CMTM8: variants seen among roughly 807,000 people sequenced by gnomAD.
CMTM8 encodes the protein CKLF like MARVEL transmembrane domain containing 8, also known as CKLF-like MARVEL transmembrane domain-containing protein 8.
CMTM8 carries 12 observed loss-of-function variants against 18.6 expected under a neutral mutation model. The ratio of observed to expected loss-of-function variants is 0.65; its 90% CI spans 0.41 to 1.05. CMTM8 has a LOEUF of 1.05. Among genes scored for constraint, CMTM8 ranks in the 50% least tolerant of loss-of-function variants. The pLI, the probability that CMTM8 is intolerant of heterozygous loss-of-function variation, is 0.00. For missense variants in CMTM8, 217 were observed against 227.2 expected (o/e 0.95, Z 0.29); for synonymous variants, 87 against 90.6 (o/e 0.96, Z 0.23).
At chr3:32,335,298 C>G (rs1001525730) in intron 1 of CMTM8, among the ~76,000 whole-genome samples, 2 of 152,214 alleles carry the variant, frequency 1.3e-5, no homozygotes, top group African/African-American at 4.8e-5. Flanking sequence ...GTCATCCTCT[C>G]TACCTTGAGC....
At chr3:32,332,747 A>G (rs558760433) in intron 1 of CMTM8, among the ~76,000 whole-genome samples, 1 of 152,262 alleles carries the variant, frequency 6.6e-6, no homozygotes, top group East Asian at 1.9e-4. Context: ...TTAGTGAGAC[A>G]GCCTTGGTCA....
At chr3:32,299,472 A>C (rs1695570090) in intron 1 of CMTM8, among the ~76,000 whole-genome samples, 1 of 152,214 alleles carries the variant, frequency 6.6e-6, no homozygotes, top group Admixed American at 6.5e-5. Flanking sequence ...GTCATTTTTA[A>C]GAAAAATAAT....
chr3:32,347,385 C>T (rs1464278670), intron 1 of CMTM8, among the ~76,000 whole-genome samples: 6 of 150,884 alleles, frequency 4.0e-5, no homozygotes, highest in African/African-American at 1.2e-4. Context: ...GACCAGCACA[C>T]GCTGACGGGG....
chr3:32,348,529 C>CT (rs56252781), intron 1 of CMTM8, among the ~76,000 whole-genome samples: 1,153 of 102,052 alleles, frequency 0.011, 53 homozygotes, highest in African/African-American at 0.039. Context: ...CTTCCTGGAA[C>CT]TTTTTTTTTT....
intron 1 of CMTM8, chr3:32,259,245 G>C: frequency 1.7e-6 from 1 of 592,834 alleles, no homozygotes; most frequent in Non-Finnish European, 3.1e-6. Context: ...TGGACAAAGT[G>C]AAGAGCCTGG....
intron 1 of CMTM8, among the ~76,000 whole-genome samples, chr3:32,262,495 T>C (rs1057443681): frequency 1.4e-4 from 21 of 152,226 alleles, no homozygotes; most frequent in Admixed American, 5.9e-4. Context: ...CATTGGATTC[T>C]ACCTGGATCA....
chr3:32,349,523 T>G (rs549352081), intron 1 of CMTM8, among the ~76,000 whole-genome samples: 7 of 152,246 alleles, frequency 4.6e-5, no homozygotes, highest in Non-Finnish European at 8.8e-5. Context: ...TTTACCTTAT[T>G]TACAGTGTTT....
chr3:32,249,309 A>G (rs1449733154), intron 1 of CMTM8, among the ~76,000 whole-genome samples: 1 of 151,864 alleles, frequency 6.6e-6, no homozygotes, highest in African/African-American at 2.4e-5. Flanking sequence ...GTGTGCCTGT[A>G]GTCCCAGCTA....
At chr3:32,347,689 G>C (rs1389024455) in intron 1 of CMTM8, among the ~76,000 whole-genome samples, 1 of 152,040 alleles carries the variant, frequency 6.6e-6, no homozygotes, top group Non-Finnish European at 1.5e-5. Flanking sequence ...TTTCTCCTGG[G>C]GCCCTCCCTT....
chr3:32,240,010 C>T (rs1259071993), intron 1 of CMTM8, among the ~76,000 whole-genome samples: 1 of 152,232 alleles, frequency 6.6e-6, no homozygotes, highest in Non-Finnish European at 1.5e-5. Context: ...GTGCTCATAA[C>T]TGCAAGCAGT....
At chr3:32,271,071 T>C (rs1384314241) in intron 1 of CMTM8, among the ~76,000 whole-genome samples, 1 of 152,184 alleles carries the variant, frequency 6.6e-6, no homozygotes, top group African/African-American at 2.4e-5. Flanking sequence ...ATTACCATAT[T>C]TCAGAGGCCC....
At chr3:32,268,510 A>G (rs990918090) in intron 1 of CMTM8, among the ~76,000 whole-genome samples, 19 of 151,990 alleles carry the variant, frequency 1.3e-4, no homozygotes, top group African/African-American at 4.6e-4. Flanking sequence ...GAGTTAATGG[A>G]TGCAGCACAC....
rs1312179622 is a variant in CMTM8 at position 32,369,891 on chromosome 3, C to T, written c.446C>T (p.Ala149Val). 2 of 1,607,486 alleles carry T rather than the reference C, an allele frequency of 1.2e-6. No individual in the cohort carries two copies. Among genetic ancestry groups the T allele is most frequent in the Admixed American group, 3.3e-5 (2 of 59,904 alleles). ...ATGCTTTGTTTTCTCCAGTTCTTTG[C>T]CTTCCTGGTCACCATCTGCTACGCT... Reference protein sequence around the residue: ...FNSWAASSFFAFLVTICYAGN... With the variant: ...FNSWAASSFFVFLVTICYAGN... Residue 149 changes from alanine to valine, a missense_variant, in exon 4 of 4, where the codon GCC (alanine) becomes GTC (valine). Physicochemically the swap from Ala to Val is moderately conservative, Grantham distance 64 (BLOSUM62 0). Coordinates refer to ENST00000307526, the MANE Select transcript of CMTM8 (RefSeq NM_178868.5).
intron 1 of CMTM8, among the ~76,000 whole-genome samples, chr3:32,302,994 C>T (rs907917438): frequency 1.3e-5 from 2 of 152,176 alleles, no homozygotes; most frequent in African/African-American, 2.4e-5. Flanking sequence ...AAACCAATTT[C>T]GTCTCTTTGA....
intron 1 of CMTM8, among the ~76,000 whole-genome samples, chr3:32,339,400 A>G (rs1385782163): frequency 1.3e-5 from 2 of 152,234 alleles, no homozygotes; most frequent in Admixed American, 6.5e-5. Flanking sequence ...GTTGGACTTC[A>G]GAAAAGGTCA....
At chr3:32,281,745 C>T (rs536175266) in intron 1 of CMTM8, among the ~76,000 whole-genome samples, 1 of 152,324 alleles carries the variant, frequency 6.6e-6, no homozygotes, top group East Asian at 1.9e-4. Flanking sequence ...CCAGTGACGT[C>T]TGTTTTGCCA....
At chr3:32,280,846 CAAAAA>C (rs60845487) in intron 1 of CMTM8, among the ~76,000 whole-genome samples, 5 of 68,172 alleles carry the variant, frequency 7.3e-5, no homozygotes, top group African/African-American at 2.5e-4. Flanking sequence ...AGAAAATAGG[CAAAAA>C]AAAAAAAAAA....
chr3:32,298,779 T>C (rs2125561469), intron 1 of CMTM8, among the ~76,000 whole-genome samples: 1 of 143,264 alleles, frequency 7.0e-6, no homozygotes, highest in South Asian at 2.2e-4. Flanking sequence ...ACTAGGGGCA[T>C]GCGCCACCAC....
At chr3:32,271,003 A>G (rs73067566) in intron 1 of CMTM8, among the ~76,000 whole-genome samples, 5 of 152,346 alleles carry the variant, frequency 3.3e-5, no homozygotes, top group Non-Finnish European at 7.3e-5. Flanking sequence ...GATTTTGCCT[A>G]ATTTTATTTT....
Sources: allele counts gnomAD v4.1 joint callset (sites outside exome capture counted in the v4.1 genomes callset), GRCh38; gene constraint gnomAD v4.1.1; transcripts MANE v1.5; gene names NCBI Gene and HGNC (gene_info 2026-07-23, HGNC 2026-07-21).